Variants in BCAS3 observed in about 807,000 individuals in gnomAD.
The protein encoded by BCAS3 is BCAS3 microtubule associated cell migration factor.
A neutral mutation model predicts 116.1 loss-of-function variants in BCAS3; 53 were observed. The observed-to-expected ratio is 0.46, with a 90% CI of 0.37 to 0.57. The LOEUF (loss-of-function observed/expected upper bound fraction) is 0.57. BCAS3 is among the 20% of genes least tolerant of loss of function. The pLI, the probability that BCAS3 is intolerant of heterozygous loss-of-function variation, is 0.00. For missense variants in BCAS3, 917 were observed against 1,165.4 expected (o/e 0.79, Z 3.10); for synonymous variants, 391 against 408.2 (o/e 0.96, Z 0.51).
At chr17:60,951,424 G>A (rs922945320) in intron 14 of BCAS3, among the ~76,000 whole-genome samples, 1 of 151,926 alleles carries the variant, frequency 6.6e-6, no homozygotes, top group Non-Finnish European at 1.5e-5. Context: ...AGACAATCTT[G>A]AACTACATGG....
Position 61,276,635 on chromosome 17 carries a change from A to G in BCAS3, c.2426-91692A>G, listed in dbSNP as rs1944543474. On this transcript the variant is annotated intron_variant, in intron 22 of 23. Transcript: ENST00000407086. This position sits in a 1 kb window ranked among gnomAD's most constrained non-coding sequence, Gnocchi z 4.2. ...CAAATTGATCTACAGATTCAACACAATCTCTATCAAAATGATCTCTATCAA... is the reference window on the plus strand; with the variant it reads ...CAAATTGATCTACAGATTCAACACAGTCTCTATCAAAATGATCTCTATCAA... Among the ~76,000 whole-genome samples, 1 of 152,178 alleles carries G rather than the reference A, an allele frequency of 6.6e-6. No homozygotes were observed. The highest frequency in any genetic ancestry group is 2.4e-5 in the African/African-American group (1 of 41,444).
At chr17:61,038,277 T>A (rs866980178) in intron 18 of BCAS3, among the ~76,000 whole-genome samples, 91 of 120,438 alleles carry the variant, frequency 7.6e-4, no homozygotes, top group African/African-American at 3.4e-3. Context: ...GTTTCTAGAA[T>A]TTTTTTTTTT....
intron 22 of BCAS3, among the ~76,000 whole-genome samples, chr17:61,269,656 G>A (rs770880881): frequency 1.3e-5 from 2 of 152,170 alleles, no homozygotes; most frequent in Non-Finnish European, 2.9e-5. Context: ...CTTAATGGGT[G>A]TGAGGTGATC....
At chr17:60,790,680 A>G (rs764269275) in intron 6 of BCAS3, among the ~76,000 whole-genome samples, 12 of 151,664 alleles carry the variant, frequency 7.9e-5, no homozygotes, top group African/African-American at 1.7e-4. Flanking sequence ...TGATTATTAT[A>G]TAATTCTAAA....
intron 7 of BCAS3, chr17:60,810,713 A>G (rs542395822): frequency 4.5e-6 from 3 of 664,266 alleles, no homozygotes; most frequent in South Asian, 1.4e-5. Flanking sequence ...AGGGACATCC[A>G]TGGGCTCTGC....
At chr17:60,905,265 T>C (rs1486328166) in intron 11 of BCAS3, among the ~76,000 whole-genome samples, 1 of 152,198 alleles carries the variant, frequency 6.6e-6, no homozygotes, top group Non-Finnish European at 1.5e-5. Context: ...CGCTATATAT[T>C]GTGTCACAAT....
rs1020535957 is a variant in BCAS3 at position 61,349,963 on chromosome 17, T to C, written c.2426-18364T>C. On this transcript the variant is annotated intron_variant, in intron 22 of 23. Coordinates refer to ENST00000407086, the MANE Select transcript of BCAS3 (RefSeq NM_017679.5). The surrounding 1 kb of genome is among the most constrained non-coding windows in gnomAD (Gnocchi z 4.7). ...CTGAATAGTTAAGATCAATAATCTCTCCTGAACAATTGGCTTTGGGACATT... is the reference window on the plus strand; with the variant it reads ...CTGAATAGTTAAGATCAATAATCTCCCCTGAACAATTGGCTTTGGGACATT... 3.3e-5 allele frequency among the ~76,000 whole-genome samples: 5 copies of C among 152,172 alleles called. No homozygotes were observed. Among genetic ancestry groups the C allele is most frequent in the Non-Finnish European group, 7.3e-5 (5 of 68,036 alleles).
chr17:61,336,751 T>A (rs1203792609), intron 22 of BCAS3, among the ~76,000 whole-genome samples: 1 of 152,222 alleles, frequency 6.6e-6, no homozygotes, highest in Non-Finnish European at 1.5e-5. Context: ...GGCATGAATG[T>A]GTCATGTCAT....
At chr17:61,192,325 G>A (rs942719470) in intron 22 of BCAS3, among the ~76,000 whole-genome samples, 1 of 147,282 alleles carries the variant, frequency 6.8e-6, no homozygotes, top group Non-Finnish European at 1.5e-5. Flanking sequence ...ATATGATAGG[G>A]AGAAGCAATG....
At position 61,059,063 on chromosome 17, in the gene BCAS3, C is replaced by CTTTTTTTTTTTTTTTTTTT. The variant is rs869090870; in HGVS notation, c.2030-15838_2030-15820dup. 8.8e-4 allele frequency among the ~76,000 whole-genome samples: 29 copies of CTTTTTTTTTTTTTTTTTTT among 32,802 alleles called. 3 individuals carry two copies. The highest frequency in any genetic ancestry group is 1.3e-3 in the Non-Finnish European group (20 of 15,840). The allele number at this position is 32,802 out of a possible 152,430, so 21.5% of individuals were successfully genotyped here. A position where few individuals can be genotyped will look rare whatever the true frequency, so the allele number is the denominator to read the frequency against. On this transcript the variant is annotated intron_variant, in intron 19 of 23. Coordinates refer to ENST00000407086, the MANE Select transcript of BCAS3 (RefSeq NM_017679.5). ...TCCCCGAACTCTTTTTTCTCCCCAT[C>CTTTTTTTTTTTTTTTTTTT]TTTTTTTTTTTTTTTTTTTTTTTTT... is the stretch of plus-strand genomic sequence containing the variant.
At chr17:61,287,822 A>G (rs970045131) in intron 22 of BCAS3, among the ~76,000 whole-genome samples, 6 of 152,222 alleles carry the variant, frequency 3.9e-5, no homozygotes, top group South Asian at 4.1e-4. Context: ...CAACAATAGG[A>G]TATTCACATT....
chr17:60,806,097 G>T (rs1276800519), intron 6 of BCAS3, among the ~76,000 whole-genome samples: 2 of 151,320 alleles, frequency 1.3e-5, no homozygotes, highest in East Asian at 1.9e-4. Flanking sequence ...GGCTGGTCTC[G>T]CATCCTGACC....
intron 22 of BCAS3, among the ~76,000 whole-genome samples, chr17:61,290,963 GT>G (rs2144702582): frequency 6.6e-6 from 1 of 152,134 alleles, no homozygotes; most frequent in African/African-American, 2.4e-5. Flanking sequence ...TGTATTTTTA[GT>G]AGAGACGGGG....
At chr17:61,000,863 G>A (rs1299307105) in intron 15 of BCAS3, among the ~76,000 whole-genome samples, 1 of 152,078 alleles carries the variant, frequency 6.6e-6, no homozygotes, top group Admixed American at 6.6e-5. Flanking sequence ...CATTTTAATT[G>A]TATACATCAG....
intron 12 of BCAS3, among the ~76,000 whole-genome samples, chr17:60,911,119 C>CTTTTT (rs1567849303): frequency 1.7e-4 from 6 of 35,308 alleles, no homozygotes; most frequent in African/African-American, 5.1e-4. Context: ...TTCTTTTTTT[C>CTTTTT]TTTCTTTTTT....
At position 61,313,795 on chromosome 17, in the gene BCAS3, G is replaced by A. The variant is rs2054520014; in HGVS notation, c.2426-54532G>A. Among the ~76,000 whole-genome samples, 1 of 152,178 alleles carries A rather than the reference G, an allele frequency of 6.6e-6. No homozygotes were observed. Among genetic ancestry groups the A allele is most frequent in the Non-Finnish European group, 1.5e-5 (1 of 68,032 alleles). On this transcript the variant is annotated intron_variant, in intron 22 of 23. Transcript: ENST00000407086. The surrounding 1 kb of genome is among the most constrained non-coding windows in gnomAD (Gnocchi z 4.3). Reference sequence around the variant, plus strand: ...GGGCACAGGATAAAAATATACAACTGGAAAGGCAAGCTCCCAATTAAGTGG... The same window carrying A: ...GGGCACAGGATAAAAATATACAACTAGAAAGGCAAGCTCCCAATTAAGTGG...
rs1189586812 is a variant in BCAS3, at chr17:61,032,243, A to G, written c.1638-2423A>G. On this transcript the variant is annotated intron_variant, in intron 16 of 23. Transcript: ENST00000407086. This position sits in a 1 kb window ranked among gnomAD's most constrained non-coding sequence, Gnocchi z 4.6. Reference sequence around the variant, plus strand: ...TACCACATGATTTAAAAACAACAACAATGACATCCAGTAATTTGCAAAGAG... The same window carrying G: ...TACCACATGATTTAAAAACAACAACGATGACATCCAGTAATTTGCAAAGAG... 2.6e-5 allele frequency among the ~76,000 whole-genome samples: 4 copies of G among 152,096 alleles called. No homozygotes were observed. The highest frequency in any genetic ancestry group is 4.4e-5 in the Non-Finnish European group (3 of 67,988).
rs1199665927 is a variant in BCAS3 at position 61,196,237 on chromosome 17, A to G, written c.2425+111673A>G. ...GTGAATCTCAGAATTTATTTTTTCAACTGATACTTCCAGCTCTGGATTCTG... is the reference window on the plus strand; with the variant it reads ...GTGAATCTCAGAATTTATTTTTTCAGCTGATACTTCCAGCTCTGGATTCTG... On this transcript the variant is annotated intron_variant, in intron 22 of 23. Coordinates refer to ENST00000407086, the MANE Select transcript of BCAS3 (RefSeq NM_017679.5). This position sits in a 1 kb window ranked among gnomAD's most constrained non-coding sequence, Gnocchi z 4.7. Among the ~76,000 whole-genome samples, 3 of 152,188 alleles carry G rather than the reference A, an allele frequency of 2.0e-5. No homozygotes were observed. The highest frequency in any genetic ancestry group is 1.9e-4 in the East Asian group (1 of 5,200).
chr17:60,751,688 A>T (rs1224338877), intron 6 of BCAS3, among the ~76,000 whole-genome samples: 1 of 151,954 alleles, frequency 6.6e-6, no homozygotes, highest in Non-Finnish European at 1.5e-5. Flanking sequence ...GATTATAGGC[A>T]TGTGCCACCA....
Sources: allele counts gnomAD v4.1 joint callset (sites outside exome capture counted in the v4.1 genomes callset), GRCh38; gene constraint gnomAD v4.1.1; non-coding constraint Gnocchi (gnomAD v3.1); transcripts MANE v1.5; gene names NCBI Gene and HGNC (gene_info 2026-07-23, HGNC 2026-07-21).